Variants in GLIS1 observed in about 807,000 individuals in gnomAD.
The protein encoded by GLIS1 is zinc finger protein GLIS1.
Under a neutral mutation model 63.8 loss-of-function variants are expected in GLIS1, and 24 were observed. That is an observed-to-expected ratio of 0.38 (90% CI 0.27 to 0.53). The LOEUF (loss-of-function observed/expected upper bound fraction) is 0.53. GLIS1 is among the 20% of genes least tolerant of loss of function. The pLI is 0.85. For missense variants in GLIS1, 1,036 were observed against 1,074.1 expected (o/e 0.96, Z 0.50); for synonymous variants, 450 against 482.5 (o/e 0.93, Z 0.88).
chr1:53,560,661 G>A lies in GLIS1; in HGVS notation c.1321-30709C>T, dbSNP rs1479985622. Reference sequence around the variant, plus strand: ...TTTGCACTGCCTTTGGCAAACACTTGTTGCGGGCCGTGTGTCCCGCAATGT... The same window carrying A: ...TTTGCACTGCCTTTGGCAAACACTTATTGCGGGCCGTGTGTCCCGCAATGT... On this transcript the variant is annotated intron_variant, in intron 4 of 10. Coordinates refer to ENST00000628545, the MANE Select transcript of GLIS1 (RefSeq NM_001367484.1). This position sits in a 1 kb window ranked among gnomAD's most constrained non-coding sequence, Gnocchi z 4.4. Among the ~76,000 whole-genome samples the A allele has an allele frequency of 6.6e-6, 1 of 152,188 alleles. No homozygotes were observed. The highest frequency in any genetic ancestry group is 1.5e-5 in the Non-Finnish European group (1 of 68,018).
chr1:53,622,418 A>T (rs1645553641), intron 2 of GLIS1, among the ~76,000 whole-genome samples: 1 of 131,466 alleles, frequency 7.6e-6, no homozygotes, highest in African/African-American at 3.1e-5. Flanking sequence ...ACAGAGCTAG[A>T]CTATGTCTCA....
chr1:53,654,384 C>T (rs905271869), intron 2 of GLIS1, among the ~76,000 whole-genome samples: 5 of 152,126 alleles, frequency 3.3e-5, no homozygotes, highest in African/African-American at 4.8e-5. Context: ...GGTCGGGGGC[C>T]GGAACAGCCC....
intron 2 of GLIS1, among the ~76,000 whole-genome samples, chr1:53,628,220 T>G (rs1645616139): frequency 6.6e-6 from 1 of 152,214 alleles, no homozygotes; most frequent in Non-Finnish European, 1.5e-5. Context: ...TGCTAGGACC[T>G]GGCCTGGGTC....
At chr1:53,691,242 T>G (rs1218005519) in intron 2 of GLIS1, among the ~76,000 whole-genome samples, 1 of 152,158 alleles carries the variant, frequency 6.6e-6, no homozygotes, top group Non-Finnish European at 1.5e-5. Context: ...GCTGTGTCCC[T>G]CCAGCTGTAC....
chr1:53,686,881 T>C (rs578082926), intron 2 of GLIS1, among the ~76,000 whole-genome samples: 2 of 152,294 alleles, frequency 1.3e-5, no homozygotes, highest in South Asian at 4.1e-4. Context: ...TCCACCATGC[T>C]AGGGAGATGG....
intron 5 of GLIS1, among the ~76,000 whole-genome samples, chr1:53,529,476 C>A (rs1644506688): frequency 6.6e-6 from 1 of 152,184 alleles, no homozygotes; most frequent in African/African-American, 2.4e-5. Context: ...CAGGCTGGTA[C>A]CCACAGGCCA....
intron 4 of GLIS1, among the ~76,000 whole-genome samples, chr1:53,565,761 A>G (rs560138040): frequency 3.8e-4 from 58 of 152,216 alleles, no homozygotes; most frequent in African/African-American, 1.4e-3. Flanking sequence ...AGTTTACCAA[A>G]TGTTCAAAGA....
At position 53,737,914 on chromosome 1, in the gene GLIS1, G is replaced by A. The variant is rs1413373026; in HGVS notation, c.151C>T (p.Arg51Trp). 48 of 1,230,070 alleles carry A rather than the reference G, an allele frequency of 3.9e-5. No individual in the cohort carries two copies. The highest frequency in any genetic ancestry group is 4.7e-5 in the Non-Finnish European group (46 of 986,900). 76.2% of individuals were successfully genotyped at this position (1,230,070 alleles called of 1,614,324 possible). Reference sequence around the variant, plus strand: ...GCAGGCGGCCGGGCTAGCAGGTCCCGCGGGCCCCTGTCCCCGCAGCCGCCG... The same window carrying A: ...GCAGGCGGCCGGGCTAGCAGGTCCCACGGGCCCCTGTCCCCGCAGCCGCCG... ...SGGGCGDRGP[R>W]DLLARPPAPP... Residue 51 changes from arginine (R) to tryptophan (W), a missense_variant, in exon 2 of 11, where the codon CGG (arginine) becomes TGG (tryptophan). Physicochemically the swap from Arg to Trp is moderately radical, Grantham distance 101. Transcript: ENST00000628545.
chr1:53,582,705 G>A (rs1480758573), intron 4 of GLIS1, among the ~76,000 whole-genome samples: 1 of 152,248 alleles, frequency 6.6e-6, no homozygotes, highest in Non-Finnish European at 1.5e-5. Flanking sequence ...GTGTCTAGCA[G>A]GCAGGACACT....
chr1:53,671,309 T>C (rs1189012087), intron 2 of GLIS1, among the ~76,000 whole-genome samples: 4 of 152,182 alleles, frequency 2.6e-5, no homozygotes, highest in African/African-American at 9.7e-5. Context: ...AGTCAACAAA[T>C]TGATGAGATC....
rs534490240 is a variant in GLIS1, at chr1:53,629,889, T to C, written c.260-29611A>G. ...GAAGGCCACCCTAGGCCATTCAATA[T>C]GGAAATGCCTTGGATTTTCCTTTCT... On this transcript the variant is annotated intron_variant, in intron 2 of 10. Transcript: ENST00000628545. Among the ~76,000 whole-genome samples, 69 of 152,338 alleles carry C rather than the reference T, an allele frequency of 4.5e-4. 1 individual carries two copies. The highest frequency in any genetic ancestry group is 1.6e-3 in the African/African-American group (65 of 41,572).
chr1:53,652,649 T>C (rs1284617920), intron 2 of GLIS1, among the ~76,000 whole-genome samples: 1 of 152,160 alleles, frequency 6.6e-6, no homozygotes, highest in African/African-American at 2.4e-5. Context: ...TGAAGGTTAG[T>C]TGATAAACGA....
intron 2 of GLIS1, among the ~76,000 whole-genome samples, chr1:53,630,957 C>G (rs763637461): frequency 3.9e-5 from 6 of 152,170 alleles, no homozygotes; most frequent in Admixed American, 1.3e-4. Flanking sequence ...TGTATTTCTT[C>G]CTCTGCCAAG....
intron 2 of GLIS1, among the ~76,000 whole-genome samples, chr1:53,644,531 C>T (rs762707729): frequency 1.4e-4 from 22 of 152,168 alleles, no homozygotes; most frequent in Non-Finnish European, 2.9e-4. Context: ...GTCAAACATA[C>T]GGCCTATTAG....
chr1:53,726,546 T>C (rs1408317536), intron 2 of GLIS1, among the ~76,000 whole-genome samples: 1 of 151,974 alleles, frequency 6.6e-6, no homozygotes, highest in Non-Finnish European at 1.5e-5. Context: ...TGACAGCAAC[T>C]CCCAGCCCAA....
intron 2 of GLIS1, among the ~76,000 whole-genome samples, chr1:53,652,886 A>T (rs560352558): frequency 3.3e-5 from 5 of 152,202 alleles, no homozygotes; most frequent in Non-Finnish European, 7.3e-5. Context: ...TGGGAAAGCC[A>T]TTGAACATCT....
At chr1:53,690,289 G>A (rs374110976) in intron 2 of GLIS1, among the ~76,000 whole-genome samples, 198 of 152,354 alleles carry the variant, frequency 1.3e-3, no homozygotes, top group African/African-American at 4.7e-3. Flanking sequence ...ACTGCCCCAG[G>A]CTCCGCTGCC....
At chr1:53,726,878 G>A (rs1477297288) in intron 2 of GLIS1, among the ~76,000 whole-genome samples, 2 of 152,226 alleles carry the variant, frequency 1.3e-5, no homozygotes, top group African/African-American at 2.4e-5. Context: ...CAGTGCAGAG[G>A]AGAAACAACA....
At chr1:53,522,308 A>G (rs551995224) in intron 6 of GLIS1, among the ~76,000 whole-genome samples, 2 of 152,326 alleles carry the variant, frequency 1.3e-5, no homozygotes, top group African/African-American at 4.8e-5. Flanking sequence ...ATGGATGCTT[A>G]TTGTTGGGAA....
Sources: gnomAD v4.1 joint callset for allele counts (sites outside exome capture counted in the v4.1 genomes callset) on GRCh38, gnomAD v4.1.1 for gene constraint, Gnocchi (gnomAD v3.1) non-coding constraint, MANE v1.5 for transcripts, NCBI Gene and HGNC (gene_info 2026-07-23, HGNC 2026-07-21) for gene names.